CNGB1: variants seen among roughly 807,000 people sequenced by gnomAD.
CNGB1 encodes cyclic nucleotide gated channel subunit beta 1.
CNGB1 carries 126 observed loss-of-function variants against 151.7 expected under a neutral mutation model. The observed-to-expected ratio is 0.83, with a 90% CI of 0.72 to 0.96. The LOEUF is 0.96. Among genes scored for constraint, CNGB1 ranks in the 40% least tolerant of loss-of-function variants. The pLI, the probability that CNGB1 is intolerant of heterozygous loss-of-function variation, is 0.00. For synonymous variants in CNGB1, 623 were observed against 635.1 expected (o/e 0.98, Z 0.29); for missense variants, 1,698 against 1,627.0 (o/e 1.04, Z -0.75).
At chr16:57,952,148 A>C (rs1597006765) in intron 12 of CNGB1, among the ~76,000 whole-genome samples, 1 of 152,244 alleles carries the variant, frequency 6.6e-6, no homozygotes, top group Non-Finnish European at 1.5e-5. Flanking sequence ...AGGGAACAGA[A>C]CATCTTGCCT....
intron 32 of CNGB1, among the ~76,000 whole-genome samples, chr16:57,885,330 T>C (rs966953164): frequency 2.0e-5 from 3 of 152,060 alleles, no homozygotes; most frequent in African/African-American, 7.2e-5. Flanking sequence ...TCATAGGATA[T>C]TGAAGGAAAG....
intron 29 of CNGB1, among the ~76,000 whole-genome samples, chr16:57,899,631 C>T (rs1004087092): frequency 1.3e-5 from 2 of 151,954 alleles, no homozygotes; most frequent in Non-Finnish European, 2.9e-5. Flanking sequence ...GAGAGTGGGA[C>T]TTGGTCTCAA....
Position 57,919,247 on chromosome 16 carries a change from G to T in CNGB1, c.1809C>A (p.Ala603=). The T allele has an allele frequency of 6.2e-7, 1 of 1,614,152 alleles. No individual in the cohort carries two copies. The highest frequency in any genetic ancestry group is 8.5e-7 in the Non-Finnish European group (1 of 1,180,036). ...SDEESPKPSP[A]KKAPEPAPDT... is the part of the protein sequence containing the mutation. Reference sequence around the variant, plus strand: ...CTGGAGCTGGCTCTGGGGCTTTCTTGGCTGGGGCTGTGGGATGACATTGGT... The same window carrying T: ...CTGGAGCTGGCTCTGGGGCTTTCTTTGCTGGGGCTGTGGGATGACATTGGT... Residue 603 remains alanine (A), a synonymous_variant, in exon 20 of 33, where the codon GCC becomes GCA. Transcript: ENST00000251102.
At chr16:57,968,264 G>A (rs1393065019) in intron 1 of CNGB1, among the ~76,000 whole-genome samples, 2 of 151,944 alleles carry the variant, frequency 1.3e-5, no homozygotes, top group African/African-American at 4.8e-5. Context: ...TTGGGAGGCT[G>A]AGGTGGGTGG....
chr16:57,922,286 G>C (rs1205429623), intron 18 of CNGB1, among the ~76,000 whole-genome samples: 1 of 152,138 alleles, frequency 6.6e-6, no homozygotes, highest in Non-Finnish European at 1.5e-5. Context: ...AGAGCCCAGG[G>C]CCCGGGTATT....
At chr16:57,962,905 G>A (rs116453843) in intron 5 of CNGB1, 33 bp from the exon 6 acceptor site, 942 of 1,612,214 alleles carry the variant, frequency 5.8e-4, no homozygotes, top group Non-Finnish European at 7.7e-4. Context: ...CATGGGCAGG[G>A]AGCCCAAGGG....
chr16:57,932,552 G>A (rs1189181083), intron 16 of CNGB1, among the ~76,000 whole-genome samples: 3 of 151,100 alleles, frequency 2.0e-5, no homozygotes, highest in Non-Finnish European at 4.4e-5. Context: ...ACAGGCTCCC[G>A]CCACCACGCC....
At chr16:57,931,432 G>A (rs1023769461) in intron 17 of CNGB1, among the ~76,000 whole-genome samples, 3 of 152,132 alleles carry the variant, frequency 2.0e-5, no homozygotes, top group Non-Finnish European at 4.4e-5. Flanking sequence ...TGGCATTACA[G>A]GCAGTAGCCA....
In CNGB1 at chr16:57,920,553, A is replaced by G. The variant is rs755911323; in HGVS notation, c.1644-9T>C. ...CCGCACGGTCCTGGCCACTGTGGGA[A>G]CATCACCCAAAGCTGAGCAGGCTGA... On this transcript the variant is annotated splice_polypyrimidine_tract_variant and intron_variant, in intron 18 of 32. Transcript: ENST00000251102. The G allele has an allele frequency of 6.2e-7, 1 of 1,611,398 alleles. No individual in the cohort carries two copies. Among genetic ancestry groups the G allele is most frequent in the East Asian group, 2.2e-5 (1 of 44,866 alleles).
At chr16:57,923,101 T>C in intron 18 of CNGB1, 172 bp downstream of exon 18, 3 of 520,006 alleles carry the variant, frequency 5.8e-6, no homozygotes, top group Non-Finnish European at 1.0e-5. Context: ...ACAGGACTCC[T>C]GGGCCAGCCA....
intron 14 of CNGB1, among the ~76,000 whole-genome samples, chr16:57,941,932 G>A (rs1961678981): frequency 1.3e-5 from 2 of 152,044 alleles, no homozygotes; most frequent in South Asian, 4.2e-4. Flanking sequence ...GCTCACTACA[G>A]CCTCAACCTC....
In CNGB1 at chr16:57,897,562, G is replaced by A; in HGVS notation, c.3096-19C>T. 1 of 1,613,760 alleles carries A rather than the reference G, an allele frequency of 6.2e-7. No homozygotes were observed. Among genetic ancestry groups the A allele is most frequent in the Non-Finnish European group, 8.5e-7 (1 of 1,180,026 alleles). ...CAGCAAGCTGGGGCAGAGAAGGGAG[G>A]AAGGAGGCCCTTCAGAGACTGCCGT... On this transcript the variant is annotated intron_variant, in intron 30 of 32. Transcript: ENST00000251102.
In CNGB1 at chr16:57,917,421, A is replaced by G. The variant is rs1353086685; in HGVS notation, c.2013T>C (p.Cys671=). The G allele has an allele frequency of 1.2e-6, 2 of 1,614,150 alleles. No homozygotes were observed. Among genetic ancestry groups the G allele is most frequent in the Non-Finnish European group, 1.7e-6 (2 of 1,180,020 alleles). The change falls in exon 21 of 33, where the codon TGT becomes TGC. Residue 671 remains cysteine, a synonymous_variant. Coordinates refer to ENST00000251102, the MANE Select transcript of CNGB1 (RefSeq NM_001297.5). ...AGGCCCAGCGCACGGGAATCAGCCA[A>G]CAGTTCCAATTCCAGGCCATCACCA... is the stretch of plus-strand genomic sequence containing the variant. ...FFVVMAWNWN[C]WLIPVRWAFP...
At position 57,959,906 on chromosome 16, in the gene CNGB1, G is replaced by A; in HGVS notation, c.743C>T (p.Pro248Leu). 1.3e-6 allele frequency: 2 copies of A among 1,552,886 alleles called. No individual in the cohort carries two copies. The highest frequency in any genetic ancestry group is 1.7e-6 in the Non-Finnish European group (2 of 1,148,768). ...GGCTCACCTGGCAGGGTCCCTGGTT[G>A]GTGGCAGGGAGGAGGTCTGGGCCTG... ...GSQAQTSSLP[P>L]TRDPARLVAW... Residue 248 changes from proline to leucine, a missense_variant, in exon 10 of 33, where the codon CCA becomes CTA. By Grantham distance (98) the Pro-to-Leu change is moderately conservative (BLOSUM62 -3). Coordinates refer to ENST00000251102, the MANE Select transcript of CNGB1 (RefSeq NM_001297.5).
At chr16:57,921,969 C>A (rs1221395725) in intron 18 of CNGB1, among the ~76,000 whole-genome samples, 3 of 152,144 alleles carry the variant, frequency 2.0e-5, no homozygotes, top group Non-Finnish European at 4.4e-5. Context: ...AAGGTGACCT[C>A]CTTAAGAGTT....
At position 57,920,168 on chromosome 16, in the gene CNGB1, G is replaced by A. The variant is rs1303570576; in HGVS notation, c.1801+219C>T. Among the ~76,000 whole-genome samples the A allele has an allele frequency of 6.6e-5, 10 of 152,208 alleles. No individual in the cohort carries two copies. The East Asian group carries it at 1.2e-3, about 18-fold the overall frequency. On this transcript the variant is annotated intron_variant, in intron 19 of 32. Transcript: ENST00000251102. ...CACTTGCCCCATGGGAGAGAGGGCC[G>A]AGTGCAAGTGGATTGTTGGTCAGAA...
rs758275983 is a variant in CNGB1, at chr16:57,903,783, G to A, written c.2794+39C>T. 2.5e-6 allele frequency: 4 copies of A among 1,612,842 alleles called. No homozygotes were observed. In the South Asian group the frequency reaches 3.3e-5, roughly 13 times the overall value. Reference sequence around the variant, plus strand: ...CACCGGGCACCAGGCGACAGGAGTTGACTGGGAGCTGGTGGCTGCCAGGGC... The same window carrying A: ...CACCGGGCACCAGGCGACAGGAGTTAACTGGGAGCTGGTGGCTGCCAGGGC... On this transcript the variant is annotated intron_variant, in intron 27 of 32. Transcript: ENST00000251102.
In CNGB1 at chr16:57,946,967, A is replaced by G. The variant is rs538298490; in HGVS notation, c.1121+2386T>C. Reference sequence around the variant, plus strand: ...GCATTTGTGCAAGGCTGTCACGTGGATGTGTGCAAGTATGTACATGTGTGC... The same window carrying G: ...GCATTTGTGCAAGGCTGTCACGTGGGTGTGTGCAAGTATGTACATGTGTGC... On this transcript the variant is annotated intron_variant, in intron 14 of 32. Transcript: ENST00000251102. 4.6e-5 allele frequency among the ~76,000 whole-genome samples: 7 copies of G among 152,338 alleles called. No homozygotes were observed. In the East Asian group the frequency reaches 1.4e-3, roughly 29 times the overall value.
intron 26 of CNGB1, 103 bp downstream of exon 26, chr16:57,904,631 G>A: frequency 6.5e-7 from 1 of 1,531,148 alleles, no homozygotes; most frequent in Admixed American, 1.7e-5. Flanking sequence ...CCTTTCCCAG[G>A]CTTAATCCAA....
Sources: gnomAD v4.1 joint callset for allele counts (sites outside exome capture counted in the v4.1 genomes callset) on GRCh38, gnomAD v4.1.1 for gene constraint, MANE v1.5 for transcripts, NCBI Gene and HGNC (gene_info 2026-07-23, HGNC 2026-07-21) for gene names.